Variants in IQSEC1 observed in about 807,000 individuals in gnomAD.
IQSEC1 encodes IQ motif and Sec7 domain ArfGEF 1.
IQSEC1 carries 31 observed loss-of-function variants against 91.0 expected under a neutral mutation model. That is an observed-to-expected ratio of 0.34 (90% CI 0.26 to 0.46). The LOEUF (loss-of-function observed/expected upper bound fraction) is 0.46, where lower values mean the gene tolerates loss of function less well. Ranked by LOEUF, IQSEC1 falls within the 20% of genes least tolerant of loss-of-function variation. The probability of loss-of-function intolerance (pLI) is 1.00; values close to 1 mark genes in which losing one functional copy is unlikely to be tolerated. For missense variants in IQSEC1, 1,388 were observed against 1,575.6 expected (o/e 0.88, Z 2.02); for synonymous variants, 699 against 662.6 (o/e 1.05, Z -0.84).
intron 1 of IQSEC1, among the ~76,000 whole-genome samples, chr3:13,165,898 C>T (rs546749773): frequency 3.3e-5 from 5 of 152,238 alleles, no homozygotes; most frequent in East Asian, 3.9e-4. Flanking sequence ...AGGGTGCAAC[C>T]GGGCCCCGCT....
At chr3:13,273,896 C>G in intron 1 of IQSEC1, among the ~76,000 whole-genome samples, 1 of 152,184 alleles carries the variant, frequency 6.6e-6, no homozygotes, top group Non-Finnish European at 1.5e-5. Context: ...CACTCTGCCC[C>G]ATGCACACTG....
At chr3:13,133,497 C>A (rs1706655341) in intron 2 of IQSEC1, among the ~76,000 whole-genome samples, 1 of 152,186 alleles carries the variant, frequency 6.6e-6, no homozygotes. Flanking sequence ...CTGAACAAAC[C>A]TGCAGCATCT....
chr3:12,974,741 A>G (rs541825305), intron 1 of IQSEC1, among the ~76,000 whole-genome samples: 2 of 152,186 alleles, frequency 1.3e-5, no homozygotes, highest in Non-Finnish European at 2.9e-5. Context: ...CCAGCTGACG[A>G]TCAAAAATGC....
intron 1 of IQSEC1, among the ~76,000 whole-genome samples, chr3:12,945,530 C>CAAA (rs1264625719): frequency 8.4e-6 from 1 of 119,232 alleles, no homozygotes; most frequent in Non-Finnish European, 1.8e-5. Context: ...TTCCACACTC[C>CAAA]AAAAAAAAAA....
intron 1 of IQSEC1, among the ~76,000 whole-genome samples, chr3:13,233,472 C>T (rs1214510432): frequency 6.6e-6 from 1 of 152,254 alleles, no homozygotes; most frequent in East Asian, 1.9e-4. Flanking sequence ...ATTTCCCAAC[C>T]TCCACTCACC....
At position 12,967,784 on chromosome 3, in the gene IQSEC1, G is replaced by A. The variant is rs947865217; in HGVS notation, c.24-25919C>T. 206 of 735,570 alleles carry A rather than the reference G, an allele frequency of 2.8e-4. 1 individual carries two copies. Among genetic ancestry groups the A allele is most frequent in the Non-Finnish European group, 3.3e-4 (196 of 596,756 alleles). The allele number at this position is 735,570 out of a possible 1,614,324, so 45.6% of individuals were successfully genotyped here. A position where few individuals can be genotyped will look rare whatever the true frequency, so the allele number is the denominator to read the frequency against. ...AGGGCGAGCTGGGGGCGGGGCCGGA[G>A]GGCGAGCTGGGGGCGGGGCTGCGCG... On this transcript the variant is annotated intron_variant, in intron 1 of 13. Transcript: ENST00000613206. The surrounding 1 kb of genome is among the most constrained non-coding windows in gnomAD (Gnocchi z 5.9).
intron 2 of IQSEC1, among the ~76,000 whole-genome samples, chr3:12,938,252 A>G (rs939821302): frequency 1.3e-5 from 2 of 152,180 alleles, no homozygotes; most frequent in Admixed American, 6.5e-5. Flanking sequence ...GTGGAATGGG[A>G]GGCATGGAGG....
chr3:13,199,966 ACAC>A (rs998830104), intron 1 of IQSEC1, among the ~76,000 whole-genome samples: 7 of 147,012 alleles, frequency 4.8e-5, no homozygotes, highest in Admixed American at 6.8e-5. Context: ...ACATACACAT[ACAC>A]CACACCACAT....
At chr3:13,238,189 C>T (rs560380927) in intron 1 of IQSEC1, among the ~76,000 whole-genome samples, 2 of 152,344 alleles carry the variant, frequency 1.3e-5, no homozygotes, top group South Asian at 2.1e-4. Flanking sequence ...CATCAGCCCA[C>T]GGCGGTCACC....
chr3:12,902,471 G>A (rs1694428454), intron 13 of IQSEC1, among the ~76,000 whole-genome samples: 1 of 151,884 alleles, frequency 6.6e-6, no homozygotes, highest in African/African-American at 2.4e-5. Flanking sequence ...ATGGGGTTAA[G>A]CAGAAACCAA....
rs892777845 is a variant in IQSEC1 at position 13,128,799 on chromosome 3, C to G, written c.302+35305G>C. Among the ~76,000 whole-genome samples the G allele has an allele frequency of 4.0e-5, 6 of 149,418 alleles. No individual in the cohort carries two copies. The East Asian group carries it at 9.8e-4, about 24-fold the overall frequency. On this transcript the variant is annotated intron_variant, in intron 2 of 15. Transcript: ENST00000648114. ...GGCTGAGGCAGGAGAATCGCTTGAACCTGGGAGGCGGAGGTTGCAGTGAGC... is the reference window on the plus strand; with the variant it reads ...GGCTGAGGCAGGAGAATCGCTTGAAGCTGGGAGGCGGAGGTTGCAGTGAGC...
rs556631121 is a variant in IQSEC1 at position 13,242,411 on chromosome 3, C to A, written c.272+40300G>T. On this transcript the variant is annotated intron_variant, in intron 1 of 15. Transcript: ENST00000648114. ...CTTGACCTCACAGTACCCCCAAGAG[C>A]AAGGTGGGCATACGGGGAATACCCC... 3.9e-5 allele frequency among the ~76,000 whole-genome samples: 6 copies of A among 152,336 alleles called. No homozygotes were observed. In the East Asian group the frequency reaches 1.2e-3, roughly 29 times the overall value.
upstream of IQSEC1, among the ~76,000 whole-genome samples, chr3:13,075,612 C>T (rs979558591): frequency 6.6e-6 from 1 of 152,218 alleles, no homozygotes; most frequent in Non-Finnish European, 1.5e-5. Flanking sequence ...ACGTACTCTC[C>T]TTTTCCTTCC....
chr3:13,256,977 G>C (rs561097388), intron 1 of IQSEC1, among the ~76,000 whole-genome samples: 1 of 152,162 alleles, frequency 6.6e-6, no homozygotes, highest in Non-Finnish European at 1.5e-5. Context: ...CCAACCCGCT[G>C]TGTGTTCACA....
chr3:13,210,978 C>T (rs1479342466), intron 1 of IQSEC1, among the ~76,000 whole-genome samples: 2 of 152,208 alleles, frequency 1.3e-5, no homozygotes, highest in African/African-American at 4.8e-5. Context: ...CCAGATGCCT[C>T]CCTCTGGAAA....
At chr3:13,272,824 A>G (rs749655587) in intron 1 of IQSEC1, among the ~76,000 whole-genome samples, 2 of 152,226 alleles carry the variant, frequency 1.3e-5, no homozygotes, top group Non-Finnish European at 2.9e-5. Flanking sequence ...AAACATGTGA[A>G]GAGGCTGCAG....
chr3:12,985,454 C>T (rs1329397107), intron 1 of IQSEC1, among the ~76,000 whole-genome samples: 1 of 151,866 alleles, frequency 6.6e-6, no homozygotes, highest in Non-Finnish European at 1.5e-5. Flanking sequence ...TGGGCCTTCA[C>T]TGGGCACAGA....
At chr3:12,963,591 C>A (rs917160962) in intron 1 of IQSEC1, among the ~76,000 whole-genome samples, 12 of 152,348 alleles carry the variant, frequency 7.9e-5, no homozygotes, top group African/African-American at 2.6e-4. Context: ...ACATCCCCCA[C>A]CCCCTCCCCA....
intron 2 of IQSEC1, among the ~76,000 whole-genome samples, chr3:13,110,569 C>A (rs1285353481): frequency 6.6e-6 from 1 of 152,176 alleles, no homozygotes; most frequent in South Asian, 2.1e-4. Flanking sequence ...AGCCTGGCAA[C>A]AGAGCGAGAC....
Sources: allele counts gnomAD v4.1 joint callset (sites outside exome capture counted in the v4.1 genomes callset), GRCh38; gene constraint gnomAD v4.1.1; non-coding constraint Gnocchi (gnomAD v3.1); transcripts MANE v1.5; gene names NCBI Gene and HGNC (gene_info 2026-07-23, HGNC 2026-07-21).